PDE3A: variants seen among roughly 807,000 people sequenced by gnomAD.
PDE3A encodes the protein phosphodiesterase 3A, also known as cGMP-inhibited 3',5'-cyclic phosphodiesterase 3A.
A neutral mutation model predicts 98.3 loss-of-function variants in PDE3A; 43 were observed. The ratio of observed to expected loss-of-function variants is 0.44; its 90% CI spans 0.34 to 0.56. The LOEUF (loss-of-function observed/expected upper bound fraction) is 0.56, where lower values mean the gene tolerates loss of function less well. PDE3A is among the 20% of genes least tolerant of loss of function. PDE3A has a pLI of 0.01. For missense variants in PDE3A, 1,427 were observed against 1,440.7 expected (o/e 0.99, Z 0.15); for synonymous variants, 663 against 567.9 (o/e 1.17, Z -2.38).
chr12:20,602,150 TAACC>T (rs1943607726), intron 2 of PDE3A, among the ~76,000 whole-genome samples: 1 of 152,206 alleles, frequency 6.6e-6, no homozygotes, highest in African/African-American at 2.4e-5. Context: ...AATTTGTACT[TAACC>T]AAGCCTTCCC....
At chr12:20,614,840 T>C (rs1236677151) in intron 3 of PDE3A, among the ~76,000 whole-genome samples, 1 of 152,122 alleles carries the variant, frequency 6.6e-6, no homozygotes, top group Non-Finnish European at 1.5e-5. Flanking sequence ...TTTTTTACCT[T>C]CTTTGGAAGA....
intron 1 of PDE3A, among the ~76,000 whole-genome samples, chr12:20,522,245 A>T (rs1473388974): frequency 6.6e-6 from 1 of 152,182 alleles, no homozygotes; most frequent in Admixed American, 6.5e-5. Context: ...CCTGGTCTCC[A>T]GGAACTTACA....
At chr12:20,665,952 GTCATT>G (rs1399864688) in intron 15 of PDE3A, among the ~76,000 whole-genome samples, 15 of 137,826 alleles carry the variant, frequency 1.1e-4, no homozygotes, top group African/African-American at 3.7e-4. Flanking sequence ...TCGAGTATTT[GTCATT>G]TCTTTTTTTT....
At chr12:20,457,235 T>A (rs1945168640) in intron 1 of PDE3A, among the ~76,000 whole-genome samples, 1 of 151,452 alleles carries the variant, frequency 6.6e-6, no homozygotes, top group Admixed American at 6.6e-5. Context: ...TTCTATTTAT[T>A]GTTATTATTA....
intron 1 of PDE3A, among the ~76,000 whole-genome samples, chr12:20,478,107 A>T (rs932929133): frequency 7.9e-5 from 12 of 152,220 alleles, no homozygotes; most frequent in African/African-American, 2.9e-4. Context: ...AGTATTTATA[A>T]TAATAATTGT....
chr12:20,649,723 C>T (rs924043660), intron 13 of PDE3A, among the ~76,000 whole-genome samples: 3 of 152,068 alleles, frequency 2.0e-5, no homozygotes, highest in Admixed American at 6.6e-5. Flanking sequence ...GCCAGGAGTT[C>T]GAGACCAGTC....
At chr12:20,668,220 T>A (rs1024601742) in intron 15 of PDE3A, among the ~76,000 whole-genome samples, 2 of 152,198 alleles carry the variant, frequency 1.3e-5, no homozygotes, top group Non-Finnish European at 2.9e-5. Flanking sequence ...TCTCGCTGAT[T>A]GCTAGCACAG....
Position 20,556,861 on chromosome 12 carries a change from G to T in PDE3A, c.1011+151G>T. The T allele has an allele frequency of 5.9e-6, 4 of 680,998 alleles. No homozygotes were observed. In the South Asian group the frequency reaches 6.7e-5, roughly 11 times the overall value. 42.2% of individuals were successfully genotyped at this position (680,998 alleles called of 1,614,324 possible). A position where few individuals can be genotyped will look rare whatever the true frequency, so the allele number is the denominator to read the frequency against. Reference sequence around the variant, plus strand: ...TTTATTTAAGTTAACTATAATTAAAGTCTGGATTTCAAATCCCAAAGGCAG... The same window carrying T: ...TTTATTTAAGTTAACTATAATTAAATTCTGGATTTCAAATCCCAAAGGCAG... On this transcript the variant is annotated intron_variant, in intron 2 of 15. Transcript: ENST00000359062.
intron 1 of PDE3A, among the ~76,000 whole-genome samples, chr12:20,445,933 T>C (rs1236138441): frequency 6.6e-6 from 1 of 152,140 alleles, no homozygotes; most frequent in Non-Finnish European, 1.5e-5. Context: ...AAGATGAGCA[T>C]ATGACTGACT....
rs545024644 is a variant in PDE3A at position 20,682,537 on chromosome 12, G to A, written c.*2266G>A. The A allele has an allele frequency of 1.8e-4, 28 of 152,248 alleles. No individual in the cohort carries two copies. In the East Asian group the frequency reaches 4.6e-3, roughly 25 times the overall value. The allele number at this position is 152,248 out of a possible 1,614,324, so 9.4% of individuals were successfully genotyped here. A position where few individuals can be genotyped will look rare whatever the true frequency, so the allele number is the denominator to read the frequency against. ...ATGTAAAAAGGATCAAGTGGATGCA[G>A]CCTCTACCTAAATAATTAAAATATA... On this transcript the variant is annotated 3_prime_UTR_variant, in exon 16 of 16. Coordinates refer to ENST00000359062, the MANE Select transcript of PDE3A (RefSeq NM_000921.5).
chr12:20,629,923 T>G lies in PDE3A; in HGVS notation c.1556T>G (p.Ile519Ser). 1 of 1,613,766 alleles carries G rather than the reference T, an allele frequency of 6.2e-7. No individual in the cohort carries two copies. The highest frequency in any genetic ancestry group is 8.5e-7 in the Non-Finnish European group (1 of 1,179,730). The change falls in exon 6 of 16, where the codon ATT becomes AGT. Residue 519 changes from isoleucine (I) to serine (S), a missense_variant. Ile to Ser is a moderately radical substitution (Grantham distance 142, BLOSUM62 -2). Around this residue, in one of 3 missense-constraint regions of PDE3A, gnomAD observed 1,012 missense variants for 886.5 expected, o/e 1.14. Coordinates refer to ENST00000359062, the MANE Select transcript of PDE3A (RefSeq NM_000921.5). ...KQSRPGALAK[I>S]SPLSSPCSSP... is the part of the protein sequence containing the mutation. ...TCTTTCTCAGGTGCCCTCGCTAAAA[T>G]TTCACCTCTTTCATCGCCCTGCTCC...
intron 1 of PDE3A, among the ~76,000 whole-genome samples, chr12:20,424,352 A>C (rs55994808): frequency 0.33 from 50,638 of 151,892 alleles, 8,535 homozygotes; most frequent in African/African-American, 0.41. Context: ...TTACCTCCCC[A>C]CTGCCCTCTT....
chr12:20,408,122 T>C (rs886686246), intron 1 of PDE3A, among the ~76,000 whole-genome samples: 5 of 152,112 alleles, frequency 3.3e-5, no homozygotes, highest in African/African-American at 1.2e-4. Flanking sequence ...GGTTTCACCT[T>C]ATTGGTCAGG....
At chr12:20,562,937 T>A (rs1942564979) in intron 2 of PDE3A, among the ~76,000 whole-genome samples, 1 of 152,168 alleles carries the variant, frequency 6.6e-6, no homozygotes, top group African/African-American at 2.4e-5. Flanking sequence ...AAAAAAGTGA[T>A]TAAATGCACA....
At chr12:20,627,110 A>G (rs1341018396) in intron 5 of PDE3A, among the ~76,000 whole-genome samples, 2 of 150,342 alleles carry the variant, frequency 1.3e-5, no homozygotes, top group African/African-American at 4.9e-5. Flanking sequence ...ACAGAAATGG[A>G]CAATGTTCTC....
chr12:20,622,279 G>A (rs975928152), intron 5 of PDE3A, among the ~76,000 whole-genome samples: 1 of 151,982 alleles, frequency 6.6e-6, no homozygotes, highest in South Asian at 2.1e-4. Flanking sequence ...CCAAATAGCT[G>A]CACCCCTCTG....
chr12:20,508,704 C>T (rs1946162556), intron 1 of PDE3A, among the ~76,000 whole-genome samples: 1 of 151,716 alleles, frequency 6.6e-6, no homozygotes. Context: ...ATTGTACTAC[C>T]TGGGATCGAT....
At chr12:20,415,972 A>G (rs989888533) in intron 1 of PDE3A, among the ~76,000 whole-genome samples, 3 of 152,232 alleles carry the variant, frequency 2.0e-5, no homozygotes, top group Non-Finnish European at 4.4e-5. Context: ...CTCATGTGTA[A>G]AATGAGATAA....
chr12:20,468,133 G>A (rs1267353046), intron 1 of PDE3A, among the ~76,000 whole-genome samples: 1 of 151,910 alleles, frequency 6.6e-6, no homozygotes, highest in East Asian at 1.9e-4. Context: ...GTTCTATTAG[G>A]ATTGATTTTG....
Sources: gnomAD v4.1 joint callset for allele counts (sites outside exome capture counted in the v4.1 genomes callset) on GRCh38, gnomAD v4.1.1 for gene constraint, gnomAD v4.1.1 regional missense constraint, MANE v1.5 for transcripts, NCBI Gene and HGNC (gene_info 2026-07-23, HGNC 2026-07-21) for gene names.